The following ARHGAP6 variants were observed in gnomAD, a reference collection of about 807,000 sequenced individuals.
ARHGAP6 encodes the protein Rho GTPase activating protein 6.
A neutral mutation model predicts 55.7 loss-of-function variants in ARHGAP6; 16 were observed. The observed-to-expected ratio is 0.29, with a 90% confidence interval of 0.19 to 0.44. ARHGAP6 has a LOEUF of 0.44. Among genes scored for constraint, ARHGAP6 ranks in the 20% least tolerant of loss-of-function variants. The pLI is 1.00. For missense variants in ARHGAP6, 698 were observed against 808.9 expected (o/e 0.86, Z 1.66); for synonymous variants, 382 against 360.9 (o/e 1.06, Z -0.66).
intron 1 of ARHGAP6, among the ~76,000 whole-genome samples, chrX:11,464,149 T>C (rs1289529419): frequency 7.1e-5 from 8 of 112,401 alleles, no homozygotes; most frequent in Non-Finnish European, 1.3e-4. Context: ...CCTTGAGATA[T>C]AATATAAGAA....
chrX:11,301,085 G>T (rs1184175534), intron 1 of ARHGAP6, among the ~76,000 whole-genome samples: 3 of 111,802 alleles, frequency 2.7e-5, no homozygotes, highest in Non-Finnish European at 5.7e-5. Flanking sequence ...AACTTTTGAA[G>T]AATGTTTATA....
chrX:11,337,053 C>T (rs2048646784), intron 1 of ARHGAP6, among the ~76,000 whole-genome samples: 1 of 110,687 alleles, frequency 9.0e-6, no homozygotes. Context: ...CCACCTGTCC[C>T]CAGGCTCTTT....
chrX:11,527,890 A>G (rs2051007041), intron 1 of ARHGAP6, among the ~76,000 whole-genome samples: 1 of 112,505 alleles, frequency 8.9e-6, no homozygotes. Context: ...AAAGCATTGC[A>G]TGGGATCTAC....
intron 3 of ARHGAP6, among the ~76,000 whole-genome samples, chrX:11,189,559 T>A (rs966726087): frequency 9.0e-6 from 1 of 111,449 alleles, no homozygotes; most frequent in Non-Finnish European, 1.9e-5. Flanking sequence ...TCCACTCTGT[T>A]TTCGTTGTGT....
At position 11,523,775 on chromosome X, in the gene ARHGAP6, C is replaced by T. The variant is rs759854543; in HGVS notation, c.588+140466G>A. On this transcript the variant is annotated intron_variant, in intron 1 of 12. Transcript: ENST00000337414. ...TTCTCCCCAATAACAAAAGTAGAAC[C>T]AGCAAGTGGAGGGGGAGGGTGTGGA... 1.6e-4 allele frequency among the ~76,000 whole-genome samples: 18 copies of T among 110,989 alleles called. No individual in the cohort carries two copies. In the South Asian group the frequency reaches 6.6e-3, roughly 41 times the overall value.
At chrX:11,530,804 G>A (rs1292433092) in intron 1 of ARHGAP6, among the ~76,000 whole-genome samples, 1 of 111,540 alleles carries the variant, frequency 9.0e-6, no homozygotes, top group Non-Finnish European at 1.9e-5. Context: ...AGCTGGGGGA[G>A]GCCTATGTAA....
chrX:11,258,851 T>C (rs1248884398), intron 1 of ARHGAP6, among the ~76,000 whole-genome samples: 1 of 111,750 alleles, frequency 8.9e-6, no homozygotes, highest in Non-Finnish European at 1.9e-5. Flanking sequence ...ACTTTTTAAA[T>C]TTCTGTGGGT....
intron 1 of ARHGAP6, among the ~76,000 whole-genome samples, chrX:11,457,025 C>G (rs1256964265): frequency 9.0e-6 from 1 of 111,560 alleles, no homozygotes; most frequent in Non-Finnish European, 1.9e-5. Flanking sequence ...CCTGTTAATA[C>G]TGCTATCAAT....
chrX:11,299,079 G>T, intron 1 of ARHGAP6: 2 of 946,004 alleles, frequency 2.1e-6, no homozygotes, highest in South Asian at 2.1e-5. Flanking sequence ...TAGAGTTGTA[G>T]TAGTTACAGG....
At chrX:11,564,889 T>G (rs1389191433) in intron 1 of ARHGAP6, among the ~76,000 whole-genome samples, 1 of 112,052 alleles carries the variant, frequency 8.9e-6, no homozygotes. Flanking sequence ...GAGCACCTCC[T>G]ATGCAAGGAT....
rs928259727 is a variant in ARHGAP6, at chrX:11,298,518, T to C, written c.589-43811A>G. On this transcript the variant is annotated intron_variant, in intron 1 of 12. Transcript: ENST00000337414. ...CTCTGGTTGGAGTCACCTGAGCCAATGGTAAACCTGCCTCTCTGTTTCTCA... is the reference window on the plus strand; with the variant it reads ...CTCTGGTTGGAGTCACCTGAGCCAACGGTAAACCTGCCTCTCTGTTTCTCA... 7 of 1,208,521 alleles carry C rather than the reference T, an allele frequency of 5.8e-6. No homozygotes were observed. The African/African-American group carries it at 7.0e-5, about 12-fold the overall frequency.
chrX:11,571,421 C>A (rs2051515311), intron 1 of ARHGAP6, among the ~76,000 whole-genome samples: 1 of 110,737 alleles, frequency 9.0e-6, no homozygotes, highest in Non-Finnish European at 1.9e-5. Flanking sequence ...GATAGCCTCC[C>A]AAGATTCCCA....
chrX:11,326,520 T>C (rs180689671), intron 1 of ARHGAP6, among the ~76,000 whole-genome samples: 1 of 111,204 alleles, frequency 9.0e-6, no homozygotes, highest in Non-Finnish European at 1.9e-5. Context: ...CAGTTGAAGG[T>C]TGAGGGGATC....
At chrX:11,528,849 C>T (rs911959150) in intron 1 of ARHGAP6, among the ~76,000 whole-genome samples, 2 of 111,497 alleles carry the variant, frequency 1.8e-5, no homozygotes, top group African/African-American at 6.5e-5. Context: ...ACAAACAACC[C>T]GAAACTCAGC....
chrX:11,354,290 TCTCTTTCTCTCTC>T (rs2048899757), intron 1 of ARHGAP6, among the ~76,000 whole-genome samples: 1 of 72,375 alleles, frequency 1.4e-5, no homozygotes, highest in East Asian at 5.3e-4. Flanking sequence ...TCTCTCTCTC[TCTCTTTCTCTCTC>T]TCTCTCTCTC....
At chrX:11,444,903 G>T (rs754025977) in intron 1 of ARHGAP6, among the ~76,000 whole-genome samples, 1 of 111,724 alleles carries the variant, frequency 9.0e-6, no homozygotes, top group South Asian at 3.8e-4. Context: ...AACACCAAAG[G>T]AATGACTGCT....
chrX:11,395,075 TG>T (rs1214841212), intron 1 of ARHGAP6, among the ~76,000 whole-genome samples: 2 of 112,138 alleles, frequency 1.8e-5, no homozygotes, highest in Non-Finnish European at 3.8e-5. Flanking sequence ...ACTAAGGCCA[TG>T]CATTTTATTC....
intron 1 of ARHGAP6, among the ~76,000 whole-genome samples, chrX:11,369,831 GA>G (rs1350198505): frequency 2.7e-5 from 3 of 111,899 alleles, no homozygotes; most frequent in Non-Finnish European, 5.6e-5. Context: ...TACTTGTTTA[GA>G]TAAATATCAA....
chrX:11,579,745 T>G (rs1373973053), intron 1 of ARHGAP6, among the ~76,000 whole-genome samples: 1 of 112,211 alleles, frequency 8.9e-6, no homozygotes. Context: ...GCTTGTGGGT[T>G]TAGCCATATT....
Sources: gnomAD v4.1 joint callset for allele counts (sites outside exome capture counted in the v4.1 genomes callset) on GRCh38, gnomAD v4.1.1 for gene constraint, MANE v1.5 for transcripts, NCBI Gene and HGNC (gene_info 2026-07-23, HGNC 2026-07-21) for gene names.